The following PTGFR variants were observed in gnomAD, a reference collection of about 807,000 sequenced individuals.
PTGFR encodes the protein prostaglandin F2-alpha receptor.
In PTGFR, 15 loss-of-function variants were observed where a neutral mutation model predicts 26.2. The ratio of observed to expected loss-of-function variants is 0.57; its 90% CI spans 0.38 to 0.88. PTGFR has a LOEUF of 0.88. Ranked by LOEUF, PTGFR falls within the 40% of genes least tolerant of loss-of-function variation. The pLI is 0.00. For synonymous variants in PTGFR, 165 were observed against 151.1 expected, an observed-to-expected ratio of 1.09 and a Z score of -0.68; for missense variants, 369 against 427.2, an observed-to-expected ratio of 0.86 and a Z score of 1.20.
chr1:78,511,722 C>A (rs1285517023), intron 2 of PTGFR, among the ~76,000 whole-genome samples: 1 of 152,030 alleles, frequency 6.6e-6, no homozygotes, highest in Non-Finnish European at 1.5e-5. Context: ...ATAAATTCCT[C>A]TCCTGAAAAA....
chr1:78,534,301 G>A (rs1418774816), intron 2 of PTGFR, among the ~76,000 whole-genome samples: 1 of 152,128 alleles, frequency 6.6e-6, no homozygotes, highest in Non-Finnish European at 1.5e-5. Flanking sequence ...CCAGAGACCA[G>A]AGAAAATGGC....
At chr1:78,525,195 G>A (rs1170626068) in intron 2 of PTGFR, among the ~76,000 whole-genome samples, 1 of 151,742 alleles carries the variant, frequency 6.6e-6, no homozygotes, top group Non-Finnish European at 1.5e-5. Context: ...TAACTACATG[G>A]AGTTAGTTCA....
At chr1:78,516,276 G>T (rs749496349) in intron 2 of PTGFR, among the ~76,000 whole-genome samples, 19 of 152,122 alleles carry the variant, frequency 1.2e-4, no homozygotes, top group Middle Eastern at 3.4e-3. Context: ...TTTACCTAAG[G>T]GATACAATCA....
Position 78,539,486 on chromosome 1 carries a change from T to C in PTGFR, c.*2799T>C, listed in dbSNP as rs1224559901. ...ATATACATTTTATTACTTCTTAATC[T>C]GGGTGTCAAAGATTTTACCACCTGG... On this transcript the variant is annotated 3_prime_UTR_variant, in exon 3 of 3. Transcript: ENST00000370757. 1 of 152,572 alleles carries C rather than the reference T, an allele frequency of 6.6e-6. No homozygotes were observed. Among genetic ancestry groups the C allele is most frequent in the Non-Finnish European group, 1.5e-5 (1 of 68,002 alleles). The allele number at this position is 152,572 out of a possible 1,614,324, so 9.5% of individuals were successfully genotyped here.
chr1:78,515,666 T>G (rs1264310593), intron 2 of PTGFR, among the ~76,000 whole-genome samples: 1 of 152,216 alleles, frequency 6.6e-6, no homozygotes, highest in African/African-American at 2.4e-5. Flanking sequence ...TCTGCTGTGA[T>G]TATTCTACCT....
chr1:78,502,915 A>G (rs1306164912), intron 2 of PTGFR, among the ~76,000 whole-genome samples: 3 of 152,150 alleles, frequency 2.0e-5, no homozygotes, highest in Non-Finnish European at 4.4e-5. Context: ...TTGTTACAAC[A>G]GAATATCAGG....
At chr1:78,509,283 G>T (rs369603414) in intron 2 of PTGFR, among the ~76,000 whole-genome samples, 1 of 152,146 alleles carries the variant, frequency 6.6e-6, no homozygotes, top group Non-Finnish European at 1.5e-5. Flanking sequence ...GGTCATCAAC[G>T]CCTGTAATTG....
At chr1:78,519,428 A>G (rs552297972) in intron 2 of PTGFR, among the ~76,000 whole-genome samples, 1 of 152,258 alleles carries the variant, frequency 6.6e-6, no homozygotes, top group Non-Finnish European at 1.5e-5. Context: ...TAATAAGATA[A>G]TCTTAGTTTT....
chr1:78,505,120 CTT>C (rs11383272), intron 2 of PTGFR, among the ~76,000 whole-genome samples: 6 of 127,184 alleles, frequency 4.7e-5, no homozygotes, highest in Admixed American at 8.3e-5. Context: ...TTTATTCTAA[CTT>C]TTTTTTTTTT....
intron 2 of PTGFR, among the ~76,000 whole-genome samples, chr1:78,516,128 C>T (rs1404568557): frequency 6.6e-6 from 1 of 152,098 alleles, no homozygotes; most frequent in African/African-American, 2.4e-5. Context: ...AAAAAAACCA[C>T]ACGCACAACT....
intron 2 of PTGFR, 138 bp downstream of exon 2, chr1:78,493,679 A>C (rs1246854275): frequency 1.2e-6 from 1 of 800,200 alleles, no homozygotes. Context: ...CTGGCTTAGA[A>C]TTACATGACA....
intron 2 of PTGFR, among the ~76,000 whole-genome samples, chr1:78,510,191 A>T (rs1322379851): frequency 6.6e-6 from 1 of 152,158 alleles, no homozygotes; most frequent in Non-Finnish European, 1.5e-5. Context: ...CAACTCTCTT[A>T]AAATACTAAG....
chr1:78,525,553 G>A (rs552886940), intron 2 of PTGFR, among the ~76,000 whole-genome samples: 1 of 152,124 alleles, frequency 6.6e-6, no homozygotes, highest in South Asian at 2.1e-4. Context: ...CATCTGAATT[G>A]TGGGAATCTA....
At chr1:78,530,748 T>A (rs1024089387) in intron 2 of PTGFR, among the ~76,000 whole-genome samples, 29 of 152,172 alleles carry the variant, frequency 1.9e-4, no homozygotes, top group African/African-American at 5.8e-4. Context: ...ATGTTAGCTA[T>A]TTTTTAATCA....
In PTGFR at chr1:78,510,598, A is replaced by G. The variant is rs144265770; in HGVS notation, c.798+17057A>G. ...ATCCAACACTGGAGATAACATTTCAACATGAAATTTGGAGGGGACAAACAC... is the reference window on the plus strand; with the variant it reads ...ATCCAACACTGGAGATAACATTTCAGCATGAAATTTGGAGGGGACAAACAC... On this transcript the variant is annotated intron_variant, in intron 2 of 2. Coordinates refer to ENST00000370757, the MANE Select transcript of PTGFR (RefSeq NM_000959.4). Among the ~76,000 whole-genome samples the G allele has an allele frequency of 7.6e-3, 1,153 of 152,298 alleles. 9 individuals are homozygous for G. The highest frequency in any genetic ancestry group is 0.027 in the African/African-American group (1,105 of 41,558).
chr1:78,512,953 C>T lies in PTGFR; in HGVS notation c.798+19412C>T, dbSNP rs561609711. Among the ~76,000 whole-genome samples, 94 of 152,248 alleles carry T rather than the reference C, an allele frequency of 6.2e-4. 1 individual carries two copies. In the South Asian group the frequency reaches 0.014, roughly 23 times the overall value. ...CTCCGCCTTTCCCTTCCTTTATAACCGTATGCTTCCTAATGTCCTCACCAG... is the reference window on the plus strand; with the variant it reads ...CTCCGCCTTTCCCTTCCTTTATAACTGTATGCTTCCTAATGTCCTCACCAG... On this transcript the variant is annotated intron_variant, in intron 2 of 2. Coordinates refer to ENST00000370757, the MANE Select transcript of PTGFR (RefSeq NM_000959.4).
intron 2 of PTGFR, among the ~76,000 whole-genome samples, chr1:78,533,536 T>C (rs1650571394): frequency 6.6e-6 from 1 of 152,228 alleles, no homozygotes; most frequent in Non-Finnish European, 1.5e-5. Context: ...GTTACATTTC[T>C]GTTTTACTCA....
chr1:78,539,394 CT>C lies in PTGFR; in HGVS notation c.*2709del, dbSNP rs936366828. 1 of 152,282 alleles carries C rather than the reference CT, an allele frequency of 6.6e-6. No homozygotes were observed. The highest frequency in any genetic ancestry group is 1.5e-5 in the Non-Finnish European group (1 of 67,974). 9.4% of individuals were successfully genotyped at this position (152,282 alleles called of 1,614,324 possible). ...TACTTTTTGTTAAAACTATTGCTAG[CT>C]TCACCTGTATACCATCATTGTTCCA... On this transcript the variant is annotated 3_prime_UTR_variant, in exon 3 of 3. Transcript: ENST00000370757.
chr1:78,539,082 A>G lies in PTGFR; in HGVS notation c.*2395A>G, dbSNP rs897378211. The G allele has an allele frequency of 6.6e-6, 1 of 152,040 alleles. No individual in the cohort carries two copies. The highest frequency in any genetic ancestry group is 2.4e-5 in the African/African-American group (1 of 41,436). The allele number at this position is 152,040 out of a possible 1,614,324, so 9.4% of individuals were successfully genotyped here. On this transcript the variant is annotated 3_prime_UTR_variant, in exon 3 of 3. Transcript: ENST00000370757. ...AATACAAAGATAATGCTGATTCACA[A>G]TTAGCTATGGGTAAGTCCAAAACAT...
Sources: gnomAD v4.1 joint callset for allele counts (sites outside exome capture counted in the v4.1 genomes callset) on GRCh38, gnomAD v4.1.1 for gene constraint, MANE v1.5 for transcripts, NCBI Gene and HGNC (gene_info 2026-07-23, HGNC 2026-07-21) for gene names.